INSL6: variants seen among roughly 807,000 people sequenced by gnomAD.
INSL6 encodes the protein insulin-like peptide INSL6.
A neutral mutation model predicts 9.4 loss-of-function variants in INSL6; 16 were observed. The ratio of observed to expected loss-of-function variants is 1.70; its 90% CI spans 1.15 to 2.59. INSL6 has a LOEUF of 2.59. Ranked by LOEUF, INSL6 falls within the 30% of genes most tolerant of loss-of-function variation. INSL6 has a pLI of 0.00. For missense variants in INSL6, 391 were observed against 257.3 expected (o/e 1.52, Z -3.56); for synonymous variants, 154 against 96.9 (o/e 1.59, Z -3.46).
chr9:5,173,540 A>G lies in INSL6; in HGVS notation c.290-9275T>C, dbSNP rs181545783. Among the ~76,000 whole-genome samples, 611 of 152,250 alleles carry G rather than the reference A, an allele frequency of 4.0e-3. 3 individuals are homozygous for G. Among genetic ancestry groups the G allele is most frequent in the African/African-American group, 0.014 (586 of 41,560 alleles). The stretch of plus-strand genomic sequence containing the variant: ...AACCAAACACAGCAAGTTCTCCCTT[A>G]TAAGTGGGAGCTGAACAATGAGATC... On this transcript the variant is annotated intron_variant, in intron 1 of 1. Transcript: ENST00000381641.
At chr9:5,069,266 G>T in the INSL6 span, 1 of 1,171,344 alleles carries the variant, frequency 8.5e-7, no homozygotes, top group East Asian at 2.4e-5. Flanking sequence ...TATGTGGCGT[G>T]AAGTATCTTC....
At chr9:5,017,363 A>G in the INSL6 span, among the ~76,000 whole-genome samples, 7 of 152,344 alleles carry the variant, frequency 4.6e-5, no homozygotes, top group East Asian at 1.2e-3. Flanking sequence ...ACAAACTGAT[A>G]AAATTCTAGC....
chr9:5,136,723 C>T (rs1017776592), intron 2 of INSL6, among the ~76,000 whole-genome samples: 5 of 152,132 alleles, frequency 3.3e-5, no homozygotes, highest in Non-Finnish European at 5.9e-5. Context: ...GACAAGGATG[C>T]CTTCTCTCAC....
At chr9:5,173,777 A>T (rs567174898) in intron 1 of INSL6, among the ~76,000 whole-genome samples, 1,535 of 82,356 alleles carry the variant, frequency 0.019, 15 homozygotes, top group Admixed American at 0.038. Flanking sequence ...AAATAAAATT[A>T]AAAAAAAAAA....
intron 3 of INSL6, among the ~76,000 whole-genome samples, chr9:5,129,812 T>C (rs1824224350): frequency 6.6e-6 from 1 of 152,194 alleles, no homozygotes; most frequent in Admixed American, 6.5e-5. Context: ...CATGTATGTA[T>C]ATCATATAGC....
intron 2 of INSL6, among the ~76,000 whole-genome samples, chr9:5,142,601 G>T (rs1824523353): frequency 6.6e-6 from 1 of 152,114 alleles, no homozygotes; most frequent in Non-Finnish European, 1.5e-5. Context: ...GAAGCTTTTG[G>T]GCTGAGACTA....
the INSL6 span, among the ~76,000 whole-genome samples, chr9:5,116,774 G>A: frequency 9.9e-5 from 15 of 152,256 alleles, no homozygotes; most frequent in African/African-American, 3.6e-4. Flanking sequence ...GACGTGATAG[G>A]CAAATTCAAC....
intron 2 of INSL6, among the ~76,000 whole-genome samples, chr9:5,137,572 T>A (rs1824409668): frequency 6.6e-6 from 1 of 152,092 alleles, no homozygotes; most frequent in Admixed American, 6.6e-5. Flanking sequence ...TCCTTACACC[T>A]TATACAAAAA....
At chr9:5,017,665 C>T in the INSL6 span, among the ~76,000 whole-genome samples, 1 of 152,044 alleles carries the variant, frequency 6.6e-6, no homozygotes, top group Non-Finnish European at 1.5e-5. Context: ...TTAATACTGA[C>T]TATAATAAGA....
chr9:5,069,040 T>C, the INSL6 span: 1 of 1,594,294 alleles, frequency 6.3e-7, no homozygotes, highest in East Asian at 2.2e-5. Flanking sequence ...TGTCATTGAA[T>C]ATAAACACTG....
At chr9:4,994,756 C>A in the INSL6 span, among the ~76,000 whole-genome samples, 1 of 152,176 alleles carries the variant, frequency 6.6e-6, no homozygotes, top group Non-Finnish European at 1.5e-5. Flanking sequence ...CAATTTAAAT[C>A]ATTACTTGAC....
chr9:5,096,868 T>C, the INSL6 span: 32 of 152,298 alleles, frequency 2.1e-4, no homozygotes, highest in South Asian at 8.3e-4. Context: ...ATAATCTTCT[T>C]TATGGTCATA....
At chr9:5,090,693 GTTTATA>G in the INSL6 span, 12 of 1,548,484 alleles carry the variant, frequency 7.7e-6, no homozygotes, top group African/African-American at 1.4e-5. Flanking sequence ...CATTTAAATT[GTTTATA>G]TTTATAAAAC....
chr9:4,997,719 A>G, the INSL6 span, among the ~76,000 whole-genome samples: 2 of 152,226 alleles, frequency 1.3e-5, no homozygotes, highest in Non-Finnish European at 2.9e-5. Context: ...AAGGTTTGAT[A>G]TGGAAAGATT....
chr9:5,044,281 G>GTA, the INSL6 span: 1 of 664,710 alleles, frequency 1.5e-6, no homozygotes, highest in Non-Finnish European at 2.7e-6. Flanking sequence ...ATTTAATACT[G>GTA]TTAGCTGTGT....
chr9:5,035,517 T>G, the INSL6 span, among the ~76,000 whole-genome samples: 7 of 152,084 alleles, frequency 4.6e-5, no homozygotes, highest in African/African-American at 1.7e-4. Flanking sequence ...CAGCAGCACA[T>G]CAAAAAGCTT....
At chr9:5,136,063 G>A (rs1174565711) in intron 2 of INSL6, among the ~76,000 whole-genome samples, 1 of 152,068 alleles carries the variant, frequency 6.6e-6, no homozygotes, top group African/African-American at 2.4e-5. Flanking sequence ...ACCCTCCCAA[G>A]ACTAAACCAG....
At chr9:5,055,783 A>T in the INSL6 span, 4 of 1,609,750 alleles carry the variant, frequency 2.5e-6, no homozygotes, top group East Asian at 6.7e-5. Flanking sequence ...AGATGGTAAA[A>T]ATCTGGTAAG....
the INSL6 span, among the ~76,000 whole-genome samples, chr9:5,028,897 C>A: frequency 6.6e-6 from 1 of 152,194 alleles, no homozygotes; most frequent in East Asian, 1.9e-4. Flanking sequence ...TCTATCTAGA[C>A]CACTCAAACT....
Sources: gnomAD v4.1 joint callset for allele counts (sites outside exome capture counted in the v4.1 genomes callset) on GRCh38, gnomAD v4.1.1 for gene constraint, MANE v1.5 for transcripts, NCBI Gene and HGNC (gene_info 2026-07-23, HGNC 2026-07-21) for gene names.